PIK3C2G: variants seen among roughly 807,000 people sequenced by gnomAD.
PIK3C2G encodes phosphatidylinositol 3-kinase C2 domain-containing subunit gamma.
Under a neutral mutation model 181.1 loss-of-function variants are expected in PIK3C2G, and 168 were observed. That is an observed-to-expected ratio of 0.93 (90% CI 0.82 to 1.05). PIK3C2G has a LOEUF of 1.05. PIK3C2G is among the 50% of genes least tolerant of loss of function. The pLI is 0.00. For synonymous variants in PIK3C2G, 573 were observed against 592.2 expected, an observed-to-expected ratio of 0.97 and a Z score of 0.47; for missense variants, 1,869 against 1,732.8, an observed-to-expected ratio of 1.08 and a Z score of -1.40.
chr12:18,674,826 T>G, the PIK3C2G span, among the ~76,000 whole-genome samples: 2 of 152,126 alleles, frequency 1.3e-5, no homozygotes, highest in African/African-American at 4.8e-5. Flanking sequence ...CAACACAGAT[T>G]GCACCCTCTG....
rs190223960 is a variant in PIK3C2G at position 18,312,183 on chromosome 12, T to C, written c.1035-1779T>C. ...CACTCACAAACACACCCAGGAACAA[T>C]GCTTTGCATCCTCCGATCCAATCAA... On this transcript the variant is annotated intron_variant, in intron 5 of 32. Transcript: ENST00000538779. Among the ~76,000 whole-genome samples the C allele has an allele frequency of 2.2e-3, 340 of 152,216 alleles. 3 individuals are homozygous for C. Among genetic ancestry groups the C allele is most frequent in the African/African-American group, 7.9e-3 (328 of 41,540 alleles).
the PIK3C2G span, chr12:18,701,446 T>C: frequency 1.1e-5 from 18 of 1,608,794 alleles, no homozygotes; most frequent in African/African-American, 2.1e-4. Context: ...TCTCCAAGAA[T>C]AAAATTAGAA....
chr12:18,444,761 T>A (rs901078060), intron 18 of PIK3C2G, among the ~76,000 whole-genome samples: 1 of 152,180 alleles, frequency 6.6e-6, no homozygotes, highest in South Asian at 2.1e-4. Context: ...GTATTAAAAA[T>A]ATTTCTGAGT....
rs549521396 is a variant in PIK3C2G, at chr12:18,562,957, T to G, written c.3780+65T>G. The stretch of plus-strand genomic sequence containing the variant: ...GACTTTATCTCAGACTTCTCTTCAC[T>G]ATGCTACACAGCCTTTCTTATAGCA... On this transcript the variant is annotated intron_variant, in intron 27 of 32. Transcript: ENST00000538779. 1.5e-4 allele frequency: 157 copies of G among 1,040,388 alleles called. No individual in the cohort carries two copies. The African/African-American group carries it at 2.3e-3, about 16-fold the overall frequency. The allele number at this position is 1,040,388 out of a possible 1,614,324, so 64.4% of individuals were successfully genotyped here. A position where few individuals can be genotyped will look rare whatever the true frequency, so the allele number is the denominator to read the frequency against.
intron 14 of PIK3C2G, among the ~76,000 whole-genome samples, chr12:18,382,223 C>T (rs1408364385): frequency 6.6e-6 from 1 of 152,280 alleles, no homozygotes; most frequent in East Asian, 1.9e-4. Flanking sequence ...TGGTATCCTA[C>T]TCACACCTGC....
intron 24 of PIK3C2G, among the ~76,000 whole-genome samples, chr12:18,506,669 C>G (rs977534099): frequency 2.0e-5 from 3 of 152,070 alleles, no homozygotes; most frequent in Non-Finnish European, 2.9e-5. Flanking sequence ...ATAAGGAATA[C>G]TGATAGATGA....
chr12:18,324,602 T>C (rs1951252448), intron 7 of PIK3C2G, among the ~76,000 whole-genome samples: 1 of 152,228 alleles, frequency 6.6e-6, no homozygotes, highest in South Asian at 2.1e-4. Context: ...ATGCAGAGGT[T>C]TGGTGTCAGA....
intron 25 of PIK3C2G, among the ~76,000 whole-genome samples, chr12:18,540,575 T>G (rs944323630): frequency 2.0e-5 from 3 of 151,868 alleles, no homozygotes; most frequent in African/African-American, 7.2e-5. Flanking sequence ...AGAGAATGTA[T>G]AGTGGTATTT....
chr12:18,390,126 A>G (rs1943444533), intron 14 of PIK3C2G, among the ~76,000 whole-genome samples: 1 of 152,208 alleles, frequency 6.6e-6, no homozygotes, highest in South Asian at 2.1e-4. Flanking sequence ...GATATATTGT[A>G]ACACAGATTA....
the PIK3C2G span, chr12:18,705,160 T>C: frequency 1.2e-6 from 2 of 1,613,814 alleles, no homozygotes; most frequent in South Asian, 1.1e-5. Context: ...CAGAAAAAAA[T>C]GTTACCTCTG....
At chr12:18,475,228 T>TA (rs1938856915) in intron 18 of PIK3C2G, among the ~76,000 whole-genome samples, 1 of 152,062 alleles carries the variant, frequency 6.6e-6, no homozygotes, top group Non-Finnish European at 1.5e-5. Context: ...GACTGGGTTT[T>TA]AGAGTCTGAC....
chr12:18,532,663 G>A (rs915683702), intron 24 of PIK3C2G, among the ~76,000 whole-genome samples: 4 of 152,064 alleles, frequency 2.6e-5, no homozygotes, highest in African/African-American at 9.7e-5. Flanking sequence ...TATTTATTCT[G>A]TTCCATTAGC....
intron 30 of PIK3C2G, among the ~76,000 whole-genome samples, chr12:18,598,867 C>T (rs1474774896): frequency 6.6e-6 from 1 of 151,866 alleles, no homozygotes; most frequent in Non-Finnish European, 1.5e-5. Flanking sequence ...CAAAAGAAGA[C>T]ATTTATGCAG....
At chr12:18,611,389 C>T (rs1948326720) in intron 31 of PIK3C2G, among the ~76,000 whole-genome samples, 1 of 152,072 alleles carries the variant, frequency 6.6e-6, no homozygotes. Context: ...CCTCTCTTCT[C>T]CCTAATCTCT....
At chr12:18,427,298 G>C (rs1945871916) in intron 18 of PIK3C2G, among the ~76,000 whole-genome samples, 1 of 151,690 alleles carries the variant, frequency 6.6e-6, no homozygotes, top group Admixed American at 6.6e-5. Flanking sequence ...CTGAGGTCAG[G>C]AGTCCGAGAT....
At chr12:18,430,840 G>A (rs1014994147) in intron 18 of PIK3C2G, among the ~76,000 whole-genome samples, 3 of 152,130 alleles carry the variant, frequency 2.0e-5, no homozygotes, top group Non-Finnish European at 2.9e-5. Flanking sequence ...AGAAAACCAC[G>A]AAATGAATTA....
intron 24 of PIK3C2G, among the ~76,000 whole-genome samples, chr12:18,529,182 T>C (rs143715067): frequency 2.1e-4 from 31 of 150,250 alleles, no homozygotes; most frequent in East Asian, 9.6e-4. Flanking sequence ...ATTAAATTCA[T>C]ACCTTTAAAA....
chr12:18,659,023 A>T, the PIK3C2G span, among the ~76,000 whole-genome samples: 1 of 152,114 alleles, frequency 6.6e-6, no homozygotes, highest in African/African-American at 2.4e-5. Context: ...TGGAGCATGA[A>T]GCTTTGTATT....
intron 18 of PIK3C2G, among the ~76,000 whole-genome samples, chr12:18,465,673 T>C (rs1592329229): frequency 6.6e-6 from 1 of 151,998 alleles, no homozygotes; most frequent in East Asian, 1.9e-4. Flanking sequence ...TCATTCTACT[T>C]GTTTCTTTTT....
Sources: allele counts gnomAD v4.1 joint callset (sites outside exome capture counted in the v4.1 genomes callset), GRCh38; gene constraint gnomAD v4.1.1; transcripts MANE v1.5; gene names NCBI Gene and HGNC (gene_info 2026-07-23, HGNC 2026-07-21).